The following CDH12 variants were observed in gnomAD, a reference collection of about 807,000 sequenced individuals.
The protein encoded by CDH12 is cadherin-12.
CDH12 carries 41 observed loss-of-function variants against 74.1 expected under a neutral mutation model. The observed-to-expected ratio is 0.55, with a 90% confidence interval of 0.43 to 0.72. The LOEUF (loss-of-function observed/expected upper bound fraction) is 0.72. Among genes scored for constraint, CDH12 ranks in the 30% least tolerant of loss-of-function variants. CDH12 has a pLI of 0.00. For synonymous variants in CDH12, 399 were observed against 355.0 expected (o/e 1.12, Z -1.39); for missense variants, 945 against 977.2 (o/e 0.97, Z 0.44).
chr5:22,250,316 T>A (rs2150387024), intron 3 of CDH12, among the ~76,000 whole-genome samples: 1 of 152,260 alleles, frequency 6.6e-6, no homozygotes, highest in South Asian at 2.1e-4. Context: ...AGGGACAACT[T>A]GTCTCTGCTC....
chr5:22,645,644 T>G (rs566149278), intron 1 of CDH12, among the ~76,000 whole-genome samples: 1 of 152,108 alleles, frequency 6.6e-6, no homozygotes, highest in East Asian at 1.9e-4. Flanking sequence ...AGATCAAATT[T>G]CATCAAATAG....
chr5:22,564,295 T>A (rs1352089394), intron 1 of CDH12, among the ~76,000 whole-genome samples: 2 of 152,212 alleles, frequency 1.3e-5, no homozygotes, highest in Non-Finnish European at 1.5e-5. Flanking sequence ...ACATGTACAA[T>A]ATCTGTGTAA....
chr5:21,924,503 C>T (rs1294081717), intron 6 of CDH12, among the ~76,000 whole-genome samples: 1 of 150,582 alleles, frequency 6.6e-6, no homozygotes, highest in Non-Finnish European at 1.5e-5. Context: ...GCAACAAGAG[C>T]CAAACTGCAT....
At chr5:22,353,727 G>A (rs1740449385) in intron 3 of CDH12, among the ~76,000 whole-genome samples, 1 of 152,062 alleles carries the variant, frequency 6.6e-6, no homozygotes, top group African/African-American at 2.4e-5. Flanking sequence ...CATTATTTCT[G>A]TATTTGGTCT....
chr5:21,833,462 A>G (rs1351537191), intron 8 of CDH12, among the ~76,000 whole-genome samples: 1 of 84,990 alleles, frequency 1.2e-5, no homozygotes, highest in African/African-American at 4.9e-5. Flanking sequence ...TATATGATAT[A>G]TATTATTATA....
intron 1 of CDH12, among the ~76,000 whole-genome samples, chr5:22,706,430 C>T (rs556404743): frequency 6.6e-6 from 1 of 152,058 alleles, no homozygotes; most frequent in Non-Finnish European, 1.5e-5. Flanking sequence ...GAAAGCCAAT[C>T]ATGTATCACA....
intron 1 of CDH12, among the ~76,000 whole-genome samples, chr5:22,623,645 C>T (rs963534188): frequency 1.1e-4 from 17 of 152,266 alleles, no homozygotes; most frequent in Admixed American, 2.0e-4. Flanking sequence ...CTACAAACCA[C>T]TGCTCAATGA....
chr5:22,120,059 T>C (rs980762676), intron 4 of CDH12, among the ~76,000 whole-genome samples: 1 of 152,126 alleles, frequency 6.6e-6, no homozygotes, highest in Non-Finnish European at 1.5e-5. Flanking sequence ...CCCTAGGAAA[T>C]CAAGGGGAAA....
At chr5:22,233,305 A>AATATAT (rs70959707) in intron 3 of CDH12, among the ~76,000 whole-genome samples, 1 of 151,132 alleles carries the variant, frequency 6.6e-6, no homozygotes, top group African/African-American at 2.4e-5. Flanking sequence ...AAGCAAAAAA[A>AATATAT]ATATATATAT....
At chr5:22,760,697 A>AAAAC in intron 1 of CDH12, among the ~76,000 whole-genome samples, 1 of 150,496 alleles carries the variant, frequency 6.6e-6, no homozygotes, top group African/African-American at 2.5e-5. Flanking sequence ...AAAAAAAAAA[A>AAAAC]AAACAAAAAA....
intron 11 of CDH12, among the ~76,000 whole-genome samples, chr5:21,772,030 G>A (rs1200032261): frequency 6.6e-6 from 1 of 152,024 alleles, no homozygotes; most frequent in East Asian, 1.9e-4. Context: ...AGACATGTTC[G>A]ACTCCCCTTC....
At chr5:22,439,635 T>C (rs1252951145) in intron 2 of CDH12, among the ~76,000 whole-genome samples, 1 of 152,054 alleles carries the variant, frequency 6.6e-6, no homozygotes, top group Non-Finnish European at 1.5e-5. Context: ...AATTTCCTAG[T>C]CTTGTATAAG....
intron 3 of CDH12, among the ~76,000 whole-genome samples, chr5:22,224,084 A>G (rs983261910): frequency 1.3e-5 from 2 of 152,020 alleles, no homozygotes; most frequent in African/African-American, 2.4e-5. Context: ...TAGGTAGAGT[A>G]ACCTTAATTA....
At chr5:22,400,550 C>A (rs774584011) in intron 3 of CDH12, among the ~76,000 whole-genome samples, 5 of 151,900 alleles carry the variant, frequency 3.3e-5, no homozygotes, top group Non-Finnish European at 5.9e-5. Context: ...CCCACCTTGA[C>A]CTCCCAAAGT....
intron 6 of CDH12, among the ~76,000 whole-genome samples, chr5:21,958,735 C>A (rs1274913310): frequency 6.6e-6 from 1 of 152,112 alleles, no homozygotes; most frequent in Admixed American, 6.6e-5. Context: ...CCTGATGCTT[C>A]CAGCTTTGTT....
intron 1 of CDH12, among the ~76,000 whole-genome samples, chr5:22,774,292 G>A (rs1746973746): frequency 6.6e-6 from 1 of 152,128 alleles, no homozygotes; most frequent in African/African-American, 2.4e-5. Flanking sequence ...ATACTATGCA[G>A]CCATAAAAAC....
chr5:22,456,275 A>T, intron 2 of CDH12, among the ~76,000 whole-genome samples: 1 of 139,146 alleles, frequency 7.2e-6, no homozygotes, highest in African/African-American at 2.7e-5. Context: ...TGTGTGTGTA[A>T]TCAACTCTTA....
chr5:22,650,732 C>A (rs1739691387), intron 1 of CDH12, among the ~76,000 whole-genome samples: 1 of 151,972 alleles, frequency 6.6e-6, no homozygotes, highest in East Asian at 1.9e-4. Flanking sequence ...AATGAAGCAT[C>A]ACTCTCTGCA....
In CDH12 at chr5:22,736,048, T is replaced by C. The variant is rs1423871361; in HGVS notation, c.-523+117010A>G. ...CTAACAATTATTTGACCATGTCACT[T>C]AAATTACCTAAAGTATTTAAACATT... On this transcript the variant is annotated intron_variant, in intron 1 of 14. Coordinates refer to ENST00000382254, the MANE Select transcript of CDH12 (RefSeq NM_004061.5). Among the ~76,000 whole-genome samples, 9 of 152,012 alleles carry C rather than the reference T, an allele frequency of 5.9e-5. No homozygotes were observed. In the South Asian group the frequency reaches 1.4e-3, roughly 24 times the overall value.
Sources: gnomAD v4.1 joint callset for allele counts (sites outside exome capture counted in the v4.1 genomes callset) on GRCh38, gnomAD v4.1.1 for gene constraint, MANE v1.5 for transcripts, NCBI Gene and HGNC (gene_info 2026-07-23, HGNC 2026-07-21) for gene names.